TMEM45A: variants seen among roughly 807,000 people sequenced by gnomAD.
TMEM45A encodes the protein transmembrane protein 45A.
Under a neutral mutation model 32.0 loss-of-function variants are expected in TMEM45A, and 25 were observed. The observed-to-expected ratio is 0.78, with a 90% CI of 0.57 to 1.09. The LOEUF is 1.09. Among genes scored for constraint, TMEM45A ranks in the 50% least tolerant of loss-of-function variants. The pLI is 0.00. For missense variants in TMEM45A, 302 were observed against 325.0 expected (o/e 0.93, Z 0.54); for synonymous variants, 122 against 114.8 (o/e 1.06, Z -0.40).
intron 1 of TMEM45A, among the ~76,000 whole-genome samples, chr3:100,504,683 A>T (rs1259624172): frequency 6.6e-6 from 1 of 152,140 alleles, no homozygotes; most frequent in Admixed American, 6.5e-5. Flanking sequence ...CTTGGGTAAA[A>T]GTTGTTTCAA....
At chr3:100,541,170 G>A (rs555414304) in intron 1 of TMEM45A, among the ~76,000 whole-genome samples, 1 of 152,230 alleles carries the variant, frequency 6.6e-6, no homozygotes, top group East Asian at 1.9e-4. Flanking sequence ...TTTTAATGGG[G>A]TTATTTGTTT....
intron 4 of TMEM45A, 58 bp from the exon 5 acceptor site, chr3:100,568,764 A>G (rs1166244362): frequency 1.3e-6 from 2 of 1,495,018 alleles, no homozygotes; most frequent in Non-Finnish European, 1.8e-6. Context: ...TTTGAAATGT[A>G]CCATTTTTGG....
chr3:100,493,663 T>G (rs182330107), intron 1 of TMEM45A, among the ~76,000 whole-genome samples: 24 of 152,098 alleles, frequency 1.6e-4, no homozygotes, highest in African/African-American at 5.8e-4. Flanking sequence ...CTATGCTATA[T>G]GGTGTATATG....
intron 1 of TMEM45A, among the ~76,000 whole-genome samples, chr3:100,520,368 A>G (rs1705411107): frequency 6.6e-6 from 1 of 152,128 alleles, no homozygotes; most frequent in African/African-American, 2.4e-5. Flanking sequence ...AGGCCTCACC[A>G]TTTTTGGTCC....
intron 1 of TMEM45A, among the ~76,000 whole-genome samples, chr3:100,512,270 C>G (rs1708178662): frequency 6.6e-6 from 1 of 152,194 alleles, no homozygotes; most frequent in Non-Finnish European, 1.5e-5. Context: ...TTATAACAAA[C>G]TATCTCTCAG....
At chr3:100,571,201 C>T (rs375077325) in intron 5 of TMEM45A, 43 of 152,224 alleles carry the variant, frequency 2.8e-4, no homozygotes, top group African/African-American at 9.4e-4. Context: ...ATAGACCTTC[C>T]CTCCACAATC....
Position 100,556,894 on chromosome 3 carries a change from G to C in TMEM45A, c.325G>C (p.Asp109His). The change falls in exon 3 of 6, where the codon GAT becomes CAT. Residue 109 changes from aspartate (D) to histidine (H), a missense_variant. Physicochemically the swap from Asp to His is moderately conservative, Grantham distance 81. Transcript: ENST00000323523. ...YFFFGLLGVA[D>H]ILCFTISSLP... is the part of the protein sequence containing the mutation. ...CTTCTTTGGGCTGTTGGGTGTGGCA[G>C]ATATCTTATGTTTCACCATCAGTTC... The C allele has an allele frequency of 1.9e-6, 3 of 1,614,146 alleles. No homozygotes were observed. Among genetic ancestry groups the C allele is most frequent in the Non-Finnish European group, 2.5e-6 (3 of 1,180,012 alleles).
intron 1 of TMEM45A, among the ~76,000 whole-genome samples, chr3:100,523,011 C>G (rs1317090373): frequency 6.6e-6 from 1 of 152,156 alleles, no homozygotes; most frequent in East Asian, 1.9e-4. Context: ...TCCCCTGTCC[C>G]CTCCAGGCCA....
At chr3:100,576,455 T>A (rs544910357) in intron 5 of TMEM45A, among the ~76,000 whole-genome samples, 38 of 150,344 alleles carry the variant, frequency 2.5e-4, no homozygotes, top group African/African-American at 9.3e-4. Context: ...AAACTCCGTT[T>A]AAAAAAAAAT....
chr3:100,569,431 A>C (rs1186843794), intron 5 of TMEM45A, among the ~76,000 whole-genome samples: 2 of 152,306 alleles, frequency 1.3e-5, no homozygotes, highest in East Asian at 3.9e-4. Context: ...AATATTTCTA[A>C]AAGTCAGATC....
intron 1 of TMEM45A, among the ~76,000 whole-genome samples, chr3:100,522,216 C>T (rs1252666851): frequency 1.3e-5 from 2 of 152,112 alleles, no homozygotes; most frequent in African/African-American, 4.8e-5. Flanking sequence ...TGTTGGGAAG[C>T]GAGGTGTGGA....
At chr3:100,569,876 T>C (rs548792580) in intron 5 of TMEM45A, among the ~76,000 whole-genome samples, 1 of 152,242 alleles carries the variant, frequency 6.6e-6, no homozygotes, top group African/African-American at 2.4e-5. Context: ...AACAAAGCAC[T>C]CTTGGAGTTC....
intron 5 of TMEM45A, among the ~76,000 whole-genome samples, chr3:100,570,204 C>A (rs1026935866): frequency 1.3e-4 from 20 of 152,212 alleles, no homozygotes; most frequent in Non-Finnish European, 2.6e-4. Flanking sequence ...TTGGACACTA[C>A]ACATCTAGCA....
chr3:100,558,617 C>G (rs1466058197), intron 4 of TMEM45A, 28 bp downstream of exon 4: 2 of 1,603,508 alleles, frequency 1.2e-6, no homozygotes, highest in East Asian at 4.5e-5. Context: ...GTTAATGTAC[C>G]TGGACTCTTT....
intron 1 of TMEM45A, among the ~76,000 whole-genome samples, chr3:100,537,647 G>A (rs910979230): frequency 6.6e-6 from 1 of 152,206 alleles, no homozygotes; most frequent in African/African-American, 2.4e-5. Context: ...ACAGGAAGAG[G>A]AGTAAAGAAG....
intron 1 of TMEM45A, among the ~76,000 whole-genome samples, chr3:100,547,036 C>T (rs1285689161): frequency 2.6e-5 from 4 of 152,168 alleles, no homozygotes; most frequent in East Asian, 3.8e-4. Context: ...ATTTTTACTT[C>T]CCCCAAACTT....
chr3:100,518,379 G>T (rs185674254), intron 1 of TMEM45A, among the ~76,000 whole-genome samples: 1 of 152,118 alleles, frequency 6.6e-6, no homozygotes, highest in Non-Finnish European at 1.5e-5. Flanking sequence ...TTAACAGAAG[G>T]TTTGCAGAGG....
chr3:100,511,944 C>A (rs1224668706), intron 1 of TMEM45A, among the ~76,000 whole-genome samples: 2 of 152,006 alleles, frequency 1.3e-5, no homozygotes, highest in African/African-American at 4.8e-5. Context: ...TATATATGCA[C>A]CCAATACAGG....
intron 1 of TMEM45A, among the ~76,000 whole-genome samples, chr3:100,493,214 A>G (rs1707873860): frequency 6.6e-6 from 1 of 150,584 alleles, no homozygotes; most frequent in African/African-American, 2.4e-5. Context: ...TAACTCCAAA[A>G]TTGAATCTAT....
Sources: allele counts gnomAD v4.1 joint callset (sites outside exome capture counted in the v4.1 genomes callset), GRCh38; gene constraint gnomAD v4.1.1; transcripts MANE v1.5; gene names NCBI Gene and HGNC (gene_info 2026-07-23, HGNC 2026-07-21).